The following GPC6 variants were observed in gnomAD, a reference collection of about 807,000 sequenced individuals.
GPC6 encodes glypican 6.
Under a neutral mutation model 55.2 loss-of-function variants are expected in GPC6, and 14 were observed. The ratio of observed to expected loss-of-function variants is 0.25; its 90% confidence interval spans 0.17 to 0.40. GPC6 has a LOEUF of 0.40. GPC6 is among the 10% of genes least tolerant of loss of function. The pLI is 1.00. For synonymous variants in GPC6, 278 were observed against 259.6 expected, an observed-to-expected ratio of 1.07 and a Z score of -0.68; for missense variants, 641 against 708.5, an observed-to-expected ratio of 0.90 and a Z score of 1.08.
chr13:93,656,672 T>C (rs530147560), intron 2 of GPC6, among the ~76,000 whole-genome samples: 23 of 152,252 alleles, frequency 1.5e-4, no homozygotes, highest in African/African-American at 5.3e-4. Flanking sequence ...ATCTAATATT[T>C]GCAGCAAACT....
At chr13:93,390,025 A>AT (rs201108216) in intron 1 of GPC6, among the ~76,000 whole-genome samples, 20,193 of 145,710 alleles carry the variant, frequency 0.14, 2,049 homozygotes, top group East Asian at 0.53. Context: ...AGAGACAGGC[A>AT]TTTTTTTTTT....
chr13:94,052,033 G>A (rs763742994), intron 4 of GPC6, among the ~76,000 whole-genome samples: 25 of 152,076 alleles, frequency 1.6e-4, no homozygotes, highest in Non-Finnish European at 3.5e-4. Context: ...ACATAAAAAA[G>A]ACATGGCCTC....
chr13:93,322,320 G>A (rs1455091329), intron 1 of GPC6, among the ~76,000 whole-genome samples: 1 of 151,468 alleles, frequency 6.6e-6, no homozygotes, highest in Non-Finnish European at 1.5e-5. Context: ...ATAGGCCACA[G>A]TGTGTGTATA....
intron 3 of GPC6, among the ~76,000 whole-genome samples, chr13:93,852,324 A>G (rs150367108): frequency 6.6e-6 from 1 of 151,852 alleles, no homozygotes; most frequent in Admixed American, 6.6e-5. Context: ...TAAGATACAC[A>G]TGGGGCTGAA....
chr13:93,737,509 G>T (rs1884047111), intron 2 of GPC6, among the ~76,000 whole-genome samples: 1 of 152,058 alleles, frequency 6.6e-6, no homozygotes, highest in Non-Finnish European at 1.5e-5. Flanking sequence ...GACAATCAAA[G>T]TTCAACATTC....
At chr13:93,830,589 A>G in intron 3 of GPC6, 44 bp downstream of exon 3, 1 of 636,996 alleles carries the variant, frequency 1.6e-6, no homozygotes, top group East Asian at 5.7e-5. Context: ...TTCCTTGTTT[A>G]TTCTGTTTTT....
chr13:93,455,507 T>C (rs1374705649), intron 1 of GPC6, among the ~76,000 whole-genome samples: 3 of 151,684 alleles, frequency 2.0e-5, no homozygotes, highest in Non-Finnish European at 2.9e-5. Flanking sequence ...AAAAGTAATA[T>C]ATGGAAAAGA....
intron 4 of GPC6, among the ~76,000 whole-genome samples, chr13:94,178,152 A>G (rs931745440): frequency 1.3e-5 from 2 of 151,658 alleles, no homozygotes; most frequent in African/African-American, 2.4e-5. Context: ...CCAAGTAGCT[A>G]CCATGCCCTG....
At chr13:93,976,420 A>G (rs1196663197) in intron 3 of GPC6, among the ~76,000 whole-genome samples, 2 of 152,078 alleles carry the variant, frequency 1.3e-5, no homozygotes, top group African/African-American at 4.8e-5. Context: ...TTGCTAGATA[A>G]GAACATAAAA....
At chr13:93,987,494 A>G (rs746426825) in intron 3 of GPC6, among the ~76,000 whole-genome samples, 9 of 152,248 alleles carry the variant, frequency 5.9e-5, no homozygotes, top group African/African-American at 2.2e-4. Context: ...TGAAAGGATC[A>G]GATTCTAGAA....
At chr13:94,159,485 A>C (rs565305830) in intron 4 of GPC6, among the ~76,000 whole-genome samples, 2 of 152,262 alleles carry the variant, frequency 1.3e-5, no homozygotes, top group South Asian at 4.1e-4. Context: ...ACCCCTTATA[A>C]AACCATCAGA....
At chr13:94,217,439 T>G (rs1310930948) in intron 4 of GPC6, among the ~76,000 whole-genome samples, 2 of 152,168 alleles carry the variant, frequency 1.3e-5, no homozygotes, top group African/African-American at 4.8e-5. Flanking sequence ...CAGACAATAA[T>G]AAATGGGAAT....
intron 1 of GPC6, among the ~76,000 whole-genome samples, chr13:93,265,367 C>G (rs1452740653): frequency 6.6e-6 from 1 of 152,172 alleles, no homozygotes; most frequent in South Asian, 2.1e-4. Flanking sequence ...TGCTCCAAAA[C>G]TGGAAACAGT....
At chr13:93,526,441 C>T (rs74108584) in intron 1 of GPC6, among the ~76,000 whole-genome samples, 8,684 of 152,066 alleles carry the variant, frequency 0.057, 811 homozygotes, top group African/African-American at 0.2. Flanking sequence ...AGAAGGCAAA[C>T]TTAGTAATCC....
At chr13:93,671,154 G>A (rs1224780188) in intron 2 of GPC6, among the ~76,000 whole-genome samples, 2 of 152,146 alleles carry the variant, frequency 1.3e-5, no homozygotes, top group Non-Finnish European at 2.9e-5. Flanking sequence ...AAAGAACAGG[G>A]AGTTCCACAA....
At chr13:94,227,098 T>C (rs943574032) in intron 4 of GPC6, among the ~76,000 whole-genome samples, 1 of 152,220 alleles carries the variant, frequency 6.6e-6, no homozygotes, top group East Asian at 1.9e-4. Flanking sequence ...AACAACTCAC[T>C]GTGTAGAGGA....
chr13:93,382,741 A>G (rs1875232708), intron 1 of GPC6, among the ~76,000 whole-genome samples: 1 of 152,250 alleles, frequency 6.6e-6, no homozygotes, highest in Non-Finnish European at 1.5e-5. Flanking sequence ...CTTTAGAAAC[A>G]AATTACATTT....
intron 1 of GPC6, among the ~76,000 whole-genome samples, chr13:93,534,265 A>AT (rs1338274350): frequency 6.6e-6 from 1 of 152,076 alleles, no homozygotes; most frequent in African/African-American, 2.4e-5. Context: ...AGCTTTGTAG[A>AT]TTTTTACTTT....
At chr13:94,254,584 A>T (rs965421920) in intron 4 of GPC6, among the ~76,000 whole-genome samples, 4 of 152,104 alleles carry the variant, frequency 2.6e-5, no homozygotes, top group Non-Finnish European at 4.4e-5. Context: ...CAGTTGATTG[A>T]TGTCATTGAT....
Sources: allele counts gnomAD v4.1 joint callset (sites outside exome capture counted in the v4.1 genomes callset), GRCh38; gene constraint gnomAD v4.1.1; transcripts MANE v1.5; gene names NCBI Gene and HGNC (gene_info 2026-07-23, HGNC 2026-07-21).